RANGAP1: variants seen among roughly 807,000 people sequenced by gnomAD.
RANGAP1 encodes Ran GTPase activating protein 1.
A neutral mutation model predicts 63.5 loss-of-function variants in RANGAP1; 38 were observed. The ratio of observed to expected loss-of-function variants is 0.60; its 90% CI spans 0.46 to 0.78. The LOEUF (loss-of-function observed/expected upper bound fraction) is 0.78, where lower values mean the gene tolerates loss of function less well. RANGAP1 is among the 30% of genes least tolerant of loss of function. The probability of loss-of-function intolerance (pLI) is 0.00; values close to 1 mark genes in which losing one functional copy is unlikely to be tolerated. For missense variants in RANGAP1, 630 were observed against 740.3 expected, an observed-to-expected ratio of 0.85 and a Z score of 1.73; for synonymous variants, 329 against 310.5, an observed-to-expected ratio of 1.06 and a Z score of -0.63.
At chr22:41,275,773 T>C (rs1306180035) in intron 2 of RANGAP1, among the ~76,000 whole-genome samples, 3 of 145,462 alleles carry the variant, frequency 2.1e-5, no homozygotes, top group Non-Finnish European at 4.6e-5. Flanking sequence ...AGTGAGACTC[T>C]GTCTCAAGAA....
the RANGAP1 span, among the ~76,000 whole-genome samples, chr22:41,292,773 CT>C: frequency 6.6e-6 from 1 of 152,030 alleles, no homozygotes; most frequent in East Asian, 2.0e-4. Context: ...AAATAATCCT[CT>C]TGTTCCAAAA....
At position 41,274,841 on chromosome 22, in the gene RANGAP1, A is replaced by G. The variant is rs2145816876; in HGVS notation, c.113-114T>C. On this transcript the variant is annotated intron_variant, in intron 2 of 15. Coordinates refer to ENST00000356244, the MANE Select transcript of RANGAP1 (RefSeq NM_002883.4). ...ACAGTCTATGGTGCACCTACCATGC[A>G]ATGAGCCTTGGCTTACAGAGAATCA... 3 of 1,336,590 alleles carry G rather than the reference A, an allele frequency of 2.2e-6. No homozygotes were observed. In the East Asian group the frequency reaches 7.0e-5, roughly 31 times the overall value. 82.8% of individuals were successfully genotyped at this position (1,336,590 alleles called of 1,614,324 possible). A position where few individuals can be genotyped will look rare whatever the true frequency, so the allele number is the denominator to read the frequency against.
intron 3 of RANGAP1, among the ~76,000 whole-genome samples, chr22:41,271,779 C>T (rs374426335): frequency 1.1e-4 from 16 of 152,266 alleles, no homozygotes; most frequent in Admixed American, 7.2e-4. Context: ...ACACTTCTCT[C>T]GCCCGTCAAG....
chr22:41,280,118 C>T (rs2035408690), intron 2 of RANGAP1, among the ~76,000 whole-genome samples: 1 of 152,002 alleles, frequency 6.6e-6, no homozygotes, highest in African/African-American at 2.4e-5. Context: ...GATAAATGCA[C>T]AGGGAGGAAG....
In RANGAP1 at chr22:41,257,411, TG is replaced by T. The variant is rs2033906273; in HGVS notation, c.774+536del. Among the ~76,000 whole-genome samples the T allele has an allele frequency of 6.6e-6, 1 of 152,136 alleles. No homozygotes were observed. Among genetic ancestry groups the T allele is most frequent in the South Asian group, 2.1e-4 (1 of 4,820 alleles). On this transcript the variant is annotated intron_variant, in intron 7 of 15. Coordinates refer to ENST00000356244, the MANE Select transcript of RANGAP1 (RefSeq NM_002883.4). This position sits in a 1 kb window ranked among gnomAD's most constrained non-coding sequence, Gnocchi z 4.0. ...GCGGGGTCTTTGGCTCAACCCCATG[TG>T]GCCTGCACTTGGTACAAAGCCAAGC...
At chr22:41,279,428 C>G (rs2035361133) in intron 2 of RANGAP1, among the ~76,000 whole-genome samples, 2 of 151,762 alleles carry the variant, frequency 1.3e-5, no homozygotes, top group African/African-American at 4.8e-5. Context: ...CGAGATTGCA[C>G]CACTGCACTC....
At chr22:41,292,169 C>T in the RANGAP1 span, among the ~76,000 whole-genome samples, 16 of 151,434 alleles carry the variant, frequency 1.1e-4, no homozygotes, top group South Asian at 2.9e-3. Flanking sequence ...TTTTTTGAGA[C>T]GGAGTTTCGC....
chr22:41,295,674 G>A, the RANGAP1 span, among the ~76,000 whole-genome samples: 1 of 135,736 alleles, frequency 7.4e-6, no homozygotes, highest in African/African-American at 2.7e-5. Context: ...CCCTCTGCGA[G>A]AAACACCCAA....
chr22:41,262,177 C>T (rs1192011646), intron 5 of RANGAP1, among the ~76,000 whole-genome samples: 1 of 152,172 alleles, frequency 6.6e-6, no homozygotes, highest in Non-Finnish European at 1.5e-5. Flanking sequence ...AGCTTGCCTG[C>T]TGGTGGTAAA....
intron 2 of RANGAP1, among the ~76,000 whole-genome samples, chr22:41,277,660 C>T (rs2035237965): frequency 1.3e-5 from 2 of 152,122 alleles, no homozygotes; most frequent in East Asian, 3.9e-4. Flanking sequence ...TCCAAGTTTC[C>T]CTGGTTGGGC....
chr22:41,261,651 T>A, intron 5 of RANGAP1, 71 bp from the exon 6 acceptor site: 1 of 1,594,436 alleles, frequency 6.3e-7, no homozygotes, highest in Non-Finnish European at 8.6e-7. Flanking sequence ...CCACTGCTGC[T>A]GAACTGCTCT....
At chr22:41,249,240 G>A (rs900807137) in intron 15 of RANGAP1, 90 bp downstream of exon 15, 42 of 1,474,130 alleles carry the variant, frequency 2.8e-5, no homozygotes, top group Non-Finnish European at 3.8e-5. Flanking sequence ...GGCTGGGCTG[G>A]GGCTGGGCCT....
intron 5 of RANGAP1, among the ~76,000 whole-genome samples, chr22:41,263,962 G>A (rs12168727): frequency 0.045 from 6,881 of 152,348 alleles, 511 homozygotes; most frequent in African/African-American, 0.16. Context: ...TTTCAGTGTG[G>A]GTGGGAAAAG....
intron 10 of RANGAP1, 43 bp from the exon 11 acceptor site, chr22:41,254,537 G>A (rs1313796031): frequency 1.3e-6 from 2 of 1,536,582 alleles, no homozygotes; most frequent in Admixed American, 1.9e-5. Flanking sequence ...CTACCCAGCA[G>A]CCCAGGTTGG....
intron 6 of RANGAP1, 35 bp from the exon 7 acceptor site, chr22:41,258,141 G>A (rs199701246): frequency 1.9e-5 from 29 of 1,559,230 alleles, no homozygotes; most frequent in Non-Finnish European, 2.0e-5. Flanking sequence ...AGGGGGCCCC[G>A]AGTGCCAGGT....
chr22:41,279,104 G>A (rs5996011), intron 2 of RANGAP1, among the ~76,000 whole-genome samples: 111,564 of 152,056 alleles, frequency 0.73, 41,751 homozygotes, highest in Middle Eastern at 0.81. Flanking sequence ...CATCATGCCA[G>A]TGCACTCCAG....
At chr22:41,254,704 G>A (rs2033708156) in intron 10 of RANGAP1, 1 of 938,572 alleles carries the variant, frequency 1.1e-6, no homozygotes, top group African/African-American at 1.8e-5. Flanking sequence ...CCGGCGCGGT[G>A]GCTCATGCCT....
chr22:41,249,253 C>A, intron 15 of RANGAP1, 77 bp downstream of exon 15: 2 of 1,496,940 alleles, frequency 1.3e-6, no homozygotes, highest in East Asian at 2.3e-5. Flanking sequence ...CTGGGCCTCC[C>A]GGAACCGGGC....
chr22:41,289,063 C>G (rs2050258150), upstream of RANGAP1, among the ~76,000 whole-genome samples: 1 of 151,386 alleles, frequency 6.6e-6, no homozygotes, highest in Non-Finnish European at 1.5e-5. Context: ...GCTGGGACTA[C>G]AGGTGCACGC....
Sources: gnomAD v4.1 joint callset for allele counts (sites outside exome capture counted in the v4.1 genomes callset) on GRCh38, gnomAD v4.1.1 for gene constraint, Gnocchi (gnomAD v3.1) non-coding constraint, MANE v1.5 for transcripts, NCBI Gene and HGNC (gene_info 2026-07-23, HGNC 2026-07-21) for gene names.